The following SNX29 variants were observed in gnomAD, a reference collection of about 807,000 sequenced individuals.
The protein encoded by SNX29 is sorting nexin-29.
In SNX29, 78 loss-of-function variants were observed where a neutral mutation model predicts 102.1. The ratio of observed to expected loss-of-function variants is 0.76; its 90% CI spans 0.64 to 0.92. SNX29 has a LOEUF of 0.92. Ranked by LOEUF, SNX29 falls within the 40% of genes least tolerant of loss-of-function variation. SNX29 has a pLI of 0.00. For synonymous variants in SNX29, 580 were observed against 414.5 expected (o/e 1.40, Z -4.85); for missense variants, 1,280 against 1,061.7 (o/e 1.21, Z -2.86).
intron 20 of SNX29, chr16:12,527,017 C>T (rs1392615650): frequency 2.5e-6 from 1 of 399,946 alleles, no homozygotes; most frequent in East Asian, 4.2e-5. Flanking sequence ...CAGTGGGAGA[C>T]TGTGGCAAAT....
chr16:12,530,870 A>G (rs2076913306), intron 20 of SNX29, among the ~76,000 whole-genome samples: 1 of 152,096 alleles, frequency 6.6e-6, no homozygotes, highest in Non-Finnish European at 1.5e-5. Context: ...TTCTTAATTT[A>G]ATAAAACTGG....
intron 15 of SNX29, among the ~76,000 whole-genome samples, chr16:12,317,824 G>A (rs1392146889): frequency 6.6e-6 from 1 of 152,220 alleles, no homozygotes; most frequent in African/African-American, 2.4e-5. Flanking sequence ...CTGCAAAATG[G>A]TGATGCTAAT....
At chr16:12,360,324 C>G (rs1333719246) in intron 16 of SNX29, among the ~76,000 whole-genome samples, 1 of 152,090 alleles carries the variant, frequency 6.6e-6, no homozygotes, top group Non-Finnish European at 1.5e-5. Context: ...TCTTTTTTCC[C>G]TTGTCTTTTT....
chr16:12,042,180 G>C (rs529147264), intron 4 of SNX29, among the ~76,000 whole-genome samples: 2 of 152,130 alleles, frequency 1.3e-5, no homozygotes, highest in East Asian at 3.9e-4. Context: ...ACAGGTGTGC[G>C]CCACCATACC....
chr16:12,386,961 C>T (rs2083362940), intron 16 of SNX29, among the ~76,000 whole-genome samples: 1 of 151,978 alleles, frequency 6.6e-6, no homozygotes, highest in Admixed American at 6.6e-5. Flanking sequence ...CTCATCTGTA[C>T]TAAAAATAGA....
At chr16:12,431,624 G>A (rs771874268) in intron 18 of SNX29, among the ~76,000 whole-genome samples, 1 of 152,006 alleles carries the variant, frequency 6.6e-6, no homozygotes, top group Non-Finnish European at 1.5e-5. Context: ...GTCAGAAAAT[G>A]GGTCCATCTG....
chr16:12,422,845 C>T (rs973673024), intron 18 of SNX29, among the ~76,000 whole-genome samples: 1 of 152,214 alleles, frequency 6.6e-6, no homozygotes, highest in Non-Finnish European at 1.5e-5. Context: ...TGGCATGGAG[C>T]TGGGATTCAC....
chr16:12,534,711 C>T (rs1351735093), intron 20 of SNX29, among the ~76,000 whole-genome samples: 1 of 152,234 alleles, frequency 6.6e-6, no homozygotes, highest in African/African-American at 2.4e-5. Context: ...CGTTGCCACT[C>T]CCCTGTCACT....
At chr16:12,385,039 G>A (rs952273482) in intron 16 of SNX29, among the ~76,000 whole-genome samples, 5 of 152,278 alleles carry the variant, frequency 3.3e-5, no homozygotes, top group East Asian at 1.9e-4. Flanking sequence ...GCATGGCGGC[G>A]CACGCCTATA....
Position 12,534,770 on chromosome 16 carries a change from C to A in SNX29, c.2318+9929C>A, listed in dbSNP as rs924044486. Among the ~76,000 whole-genome samples, 4 of 152,310 alleles carry A rather than the reference C, an allele frequency of 2.6e-5. No homozygotes were observed. The South Asian group carries it at 8.3e-4, about 32-fold the overall frequency. ...CCAAGTGGCTTTCTTTCTGCGTCTACCCCTCTGGTTTTTAACTAAGGGCAA... is the reference window on the plus strand; with the variant it reads ...CCAAGTGGCTTTCTTTCTGCGTCTAACCCTCTGGTTTTTAACTAAGGGCAA... On this transcript the variant is annotated intron_variant, in intron 20 of 20. Transcript: ENST00000566228.
intron 9 of SNX29, among the ~76,000 whole-genome samples, chr16:12,068,586 C>G (rs1425557085): frequency 6.6e-6 from 1 of 152,008 alleles, no homozygotes; most frequent in African/African-American, 2.4e-5. Flanking sequence ...CTCTTGTTGC[C>G]CAGGCTGGAG....
At chr16:12,390,149 G>GGGGGGT (rs55953631) in intron 16 of SNX29, among the ~76,000 whole-genome samples, 7 of 145,588 alleles carry the variant, frequency 4.8e-5, no homozygotes, top group African/African-American at 1.8e-4. Flanking sequence ...GCAATTGAGG[G>GGGGGGT]GTGTGTGTGT....
At chr16:12,381,837 T>C (rs1419063105) in intron 16 of SNX29, among the ~76,000 whole-genome samples, 1 of 125,686 alleles carries the variant, frequency 8.0e-6, no homozygotes, top group Non-Finnish European at 1.6e-5. Context: ...ATCCATCCAC[T>C]CACCCATTAT....
intron 20 of SNX29, among the ~76,000 whole-genome samples, chr16:12,564,596 T>G (rs1270119481): frequency 6.6e-6 from 1 of 152,158 alleles, no homozygotes; most frequent in Non-Finnish European, 1.5e-5. Flanking sequence ...TTTTCTTGTT[T>G]GTGAAACTGT....
At chr16:12,291,844 C>T (rs2079807063) in intron 15 of SNX29, among the ~76,000 whole-genome samples, 1 of 152,176 alleles carries the variant, frequency 6.6e-6, no homozygotes. Context: ...AACCAAGGTT[C>T]ACTTCAGTGC....
At chr16:12,543,543 T>C (rs1315516080) in intron 20 of SNX29, among the ~76,000 whole-genome samples, 11 of 152,180 alleles carry the variant, frequency 7.2e-5, no homozygotes, top group Admixed American at 7.2e-4. Context: ...TGGCCCAGAC[T>C]TCCACGCCCA....
chr16:12,495,015 C>T (rs2088746569), intron 19 of SNX29, among the ~76,000 whole-genome samples: 3 of 152,200 alleles, frequency 2.0e-5, no homozygotes, highest in African/African-American at 7.2e-5. Flanking sequence ...GTTAGCATCC[C>T]TGCCTCACCT....
intron 15 of SNX29, among the ~76,000 whole-genome samples, chr16:12,353,576 G>C (rs1159217669): frequency 6.6e-6 from 1 of 152,186 alleles, no homozygotes; most frequent in Non-Finnish European, 1.5e-5. Context: ...CCCGATGCCT[G>C]AACCACCTCT....
At chr16:12,533,194 C>T (rs1413412038) in intron 20 of SNX29, among the ~76,000 whole-genome samples, 2 of 152,244 alleles carry the variant, frequency 1.3e-5, no homozygotes, top group Non-Finnish European at 2.9e-5. Context: ...AACCAGCAGC[C>T]ATCTGAGGCC....
Sources: allele counts gnomAD v4.1 joint callset (sites outside exome capture counted in the v4.1 genomes callset), GRCh38; gene constraint gnomAD v4.1.1; transcripts MANE v1.5; gene names NCBI Gene and HGNC (gene_info 2026-07-23, HGNC 2026-07-21).